Variants in NELFE observed in about 807,000 individuals in gnomAD.
NELFE encodes the protein negative elongation factor complex member E.
A neutral mutation model predicts 55.5 loss-of-function variants in NELFE; 26 were observed. The observed-to-expected ratio is 0.47, with a 90% CI of 0.34 to 0.65. The LOEUF (loss-of-function observed/expected upper bound fraction) is 0.65. Among genes scored for constraint, NELFE ranks in the 30% least tolerant of loss-of-function variants. The pLI, the probability that NELFE is intolerant of heterozygous loss-of-function variation, is 0.01. For synonymous variants in NELFE, 162 were observed against 178.0 expected (o/e 0.91, Z 0.72); for missense variants, 403 against 506.9 (o/e 0.80, Z 1.97).
At chr6:31,958,777 G>T in intron 1 of NELFE, 115 bp downstream of exon 1, 1 of 693,278 alleles carries the variant, frequency 1.4e-6, no homozygotes, top group South Asian at 1.5e-5. Flanking sequence ...CGCGGGGTTT[G>T]AACGGCAGAG....
At position 31,956,131 on chromosome 6, in the gene NELFE, T is replaced by G. The variant is rs1277842927; in HGVS notation, c.291+562A>C. On this transcript the variant is annotated intron_variant, in intron 4 of 10. Coordinates refer to ENST00000375429, the MANE Select transcript of NELFE (RefSeq NM_002904.6). ...TTTTTAGTAGAGATGGGGTTTCACC[T>G]TGTTAGCCAGGATGGTCTCGATCTC... Among the ~76,000 whole-genome samples, 4 of 151,684 alleles carry G rather than the reference T, an allele frequency of 2.6e-5. No individual in the cohort carries two copies. In the East Asian group the frequency reaches 7.7e-4, roughly 29 times the overall value.
intron 1 of NELFE, 190 bp from the exon 2 acceptor site, chr6:31,958,644 G>A: frequency 1.4e-6 from 1 of 704,710 alleles, no homozygotes; most frequent in Non-Finnish European, 2.6e-6. Context: ...ATTCCCTCCT[G>A]TCTCCAGGGA....
At chr6:31,953,337 G>C (rs1771880026) in intron 10 of NELFE, among the ~76,000 whole-genome samples, 2 of 151,852 alleles carry the variant, frequency 1.3e-5, no homozygotes, top group South Asian at 4.2e-4. Context: ...CTATTGTTTG[G>C]CAGCCACCCT....
intron 4 of NELFE, 126 bp downstream of exon 4, chr6:31,956,567 A>G: frequency 9.8e-7 from 1 of 1,018,088 alleles, no homozygotes; most frequent in South Asian, 1.7e-5. Context: ...CATTTTATAC[A>G]TGAGAGGTGA....
rs7766815 is a variant in NELFE, at chr6:31,958,527, T to C, written c.-8-73A>G. The C allele has an allele frequency of 2.5e-3, 3,046 of 1,234,194 alleles. 46 individuals carry two copies. In the African/African-American group the frequency reaches 0.039, roughly 16 times the overall value. 76.5% of individuals were successfully genotyped at this position (1,234,194 alleles called of 1,614,324 possible). ...CGGGGTTCACACGCCGTCCACACTG[T>C]ACCCAACCCCACCCCTTCAGGTCTG... On this transcript the variant is annotated intron_variant, in intron 1 of 10. Coordinates refer to ENST00000375429, the MANE Select transcript of NELFE (RefSeq NM_002904.6).
chr6:31,954,572 C>T lies in NELFE; in HGVS notation c.725G>A (p.Arg242Gln), dbSNP rs760660272. ...RDRERDRDRD[R>Q]EGPFRRSDSF... ...TCACTCACTGCGGAAAGGACCCTCT[C>T]GGTCTCGGTCTCGATCCCGCTCCCG... Residue 242 changes from arginine to glutamine, a missense_variant, in exon 7 of 11, where the codon CGA becomes CAA. Physicochemically the swap from Arg to Gln is conservative, Grantham distance 43. Transcript: ENST00000375429. The surrounding 1 kb of genome is among the most constrained non-coding windows in gnomAD (Gnocchi z 5.5). The T allele has an allele frequency of 1.9e-5, 30 of 1,591,614 alleles. No individual in the cohort carries two copies. The highest frequency in any genetic ancestry group is 2.2e-5 in the East Asian group (1 of 44,860).
rs192933225 is a variant in NELFE, at chr6:31,954,509, T to C, written c.742+46A>G. The C allele has an allele frequency of 6.3e-6, 10 of 1,584,812 alleles. No individual in the cohort carries two copies. Among genetic ancestry groups the C allele is most frequent in the Admixed American group, 1.7e-5 (1 of 58,374 alleles). ...CACATTTCACTTAGTAGGACCCACA[T>C]AAACCTCAGTTAAGGTCACCTTGAC... is the stretch of plus-strand genomic sequence containing the variant. On this transcript the variant is annotated intron_variant, in intron 7 of 10. Transcript: ENST00000375429. The surrounding 1 kb of genome is among the most constrained non-coding windows in gnomAD (Gnocchi z 5.5).
chr6:31,955,119 T>C, intron 5 of NELFE, 23 bp from the exon 6 acceptor site: 1 of 1,613,012 alleles, frequency 6.2e-7, no homozygotes, highest in Non-Finnish European at 8.5e-7. Flanking sequence ...CCAAGAACAG[T>C]TAAGATGATT....
intron 1 of NELFE, 35 bp from the exon 2 acceptor site, chr6:31,958,489 C>T: frequency 6.4e-7 from 1 of 1,563,970 alleles, no homozygotes. Flanking sequence ...CATCTTTCTC[C>T]ACTGTTACCA....
At chr6:31,953,956 T>C (rs1242659308) in intron 9 of NELFE, 124 bp downstream of exon 9, 3 of 1,347,106 alleles carry the variant, frequency 2.2e-6, no homozygotes, top group East Asian at 4.6e-5. Flanking sequence ...TGAGTTTTTC[T>C]GTGTGAATAG....
In NELFE at chr6:31,954,671, TCCCG is replaced by T; in HGVS notation, c.622_625del (p.Arg208IlefsTer63). On this transcript the variant is annotated frameshift_variant, in exon 7 of 11. Transcript: ENST00000375429. LOFTEE classifies it high-confidence loss of function. This position sits in a 1 kb window ranked among gnomAD's most constrained non-coding sequence, Gnocchi z 5.5. ...GTCCCGCTCTCTGTCTCTGTCTCGA[TCCCG>T]GTCTCGATCCCGCTCCCGATCTCGG... is the stretch of plus-strand genomic sequence containing the variant. 6.4e-7 allele frequency: 1 copy of T among 1,574,076 alleles called. No homozygotes were observed. The highest frequency in any genetic ancestry group is 8.6e-7 in the Non-Finnish European group (1 of 1,156,230).
At position 31,958,407 on chromosome 6, in the gene NELFE, C is replaced by A; in HGVS notation, c.40G>T (p.Ala14Ser). ...IPPGLSEEEE[A>S]LQKKFNKLKK... ...AGCTTGTTGAATTTCTTCTGCAGAG[C>A]CTCCTCTTCCTCGCTCAGTCCGGGG... is the stretch of plus-strand genomic sequence containing the variant. Residue 14 changes from alanine (A) to serine (S), a missense_variant, in exon 2 of 11, where the codon GCT becomes TCT. Transcript: ENST00000375429. 1 of 1,613,100 alleles carries A rather than the reference C, an allele frequency of 6.2e-7. No homozygotes were observed. Among genetic ancestry groups the A allele is most frequent in the Non-Finnish European group, 8.5e-7 (1 of 1,180,036 alleles).
chr6:31,956,075 C>T (rs1004032075), intron 4 of NELFE, among the ~76,000 whole-genome samples: 5 of 152,210 alleles, frequency 3.3e-5, no homozygotes, highest in South Asian at 2.1e-4. Flanking sequence ...GGACTACAGG[C>T]GCCCGCCACC....
At position 31,954,027 on chromosome 6, in the gene NELFE, A is replaced by G; in HGVS notation, c.942+53T>C. The G allele has an allele frequency of 6.3e-7, 1 of 1,584,578 alleles. No individual in the cohort carries two copies. Among genetic ancestry groups the G allele is most frequent in the Non-Finnish European group, 8.7e-7 (1 of 1,155,410 alleles). ...TCCTGGCATCTAGTATTTTGAGGAG[A>G]ACACATGAGAACAGCAGAAGCGATG... On this transcript the variant is annotated intron_variant, in intron 9 of 10. Coordinates refer to ENST00000375429, the MANE Select transcript of NELFE (RefSeq NM_002904.6). This position sits in a 1 kb window ranked among gnomAD's most constrained non-coding sequence, Gnocchi z 5.5.
At chr6:31,953,298 T>C (rs544033427) in intron 10 of NELFE, among the ~76,000 whole-genome samples, 3 of 152,288 alleles carry the variant, frequency 2.0e-5, no homozygotes, top group East Asian at 3.9e-4. Context: ...CGTTTTTTTT[T>C]CTCTGAAATC....
At chr6:31,958,042 G>A (rs1441565340) in intron 2 of NELFE, among the ~76,000 whole-genome samples, 7 of 152,210 alleles carry the variant, frequency 4.6e-5, no homozygotes, top group African/African-American at 1.7e-4. Flanking sequence ...GGAAGATCAA[G>A]AATAGAAAGA....
rs371487589 is a variant in NELFE, at chr6:31,954,394, A to G, written c.791T>C (p.Leu264Pro). ...ERRAPRKGNT[L>P]YVYGEDMTPT... is the part of the protein sequence containing the mutation. The stretch of plus-strand genomic sequence containing the variant: ...TGTCATGTCTTCTCCATATACATAG[A>G]GAGTATTCCCTTTCCTAGGGGCTCG... The change falls in exon 8 of 11, where the codon CTC (leucine) becomes CCC (proline). Residue 264 changes from leucine (L) to proline (P), a missense_variant. Leu to Pro is a moderately conservative substitution (Grantham distance 98). Transcript: ENST00000375429. This position sits in a 1 kb window ranked among gnomAD's most constrained non-coding sequence, Gnocchi z 5.5. 26 of 1,611,948 alleles carry G rather than the reference A, an allele frequency of 1.6e-5. No individual in the cohort carries two copies. Among genetic ancestry groups the G allele is most frequent in the Non-Finnish European group, 2.1e-5 (25 of 1,179,238 alleles).
intron 2 of NELFE, chr6:31,957,487 T>C (rs1172111019): frequency 6.6e-6 from 3 of 456,972 alleles, no homozygotes; most frequent in South Asian, 3.1e-5. Flanking sequence ...AGGTGCAGAT[T>C]ATTCATAGCT....
At position 31,952,222 on chromosome 6, in the gene NELFE, G is replaced by A; in HGVS notation, c.*79C>T. The stretch of plus-strand genomic sequence containing the variant: ...TGCTGAAAAACCAGAGGCTGAGGGA[G>A]ATGTGTAAGCTTCCACCTCAGTGTT... On this transcript the variant is annotated 3_prime_UTR_variant, in exon 11 of 11. Transcript: ENST00000375429. 7.0e-7 allele frequency: 1 copy of A among 1,422,420 alleles called. No individual in the cohort carries two copies. 88.1% of individuals were successfully genotyped at this position (1,422,420 alleles called of 1,614,324 possible).
Sources: gnomAD v4.1 joint callset for allele counts (sites outside exome capture counted in the v4.1 genomes callset) on GRCh38, gnomAD v4.1.1 for gene constraint, Gnocchi (gnomAD v3.1) non-coding constraint, MANE v1.5 for transcripts, NCBI Gene and HGNC (gene_info 2026-07-23, HGNC 2026-07-21) for gene names.